The following FRS2 variants were observed in gnomAD, a reference collection of about 807,000 sequenced individuals.
FRS2 encodes fibroblast growth factor receptor substrate 2.
A neutral mutation model predicts 43.9 loss-of-function variants in FRS2; 8 were observed. That is an observed-to-expected ratio of 0.18 (90% CI 0.11 to 0.33). The LOEUF (loss-of-function observed/expected upper bound fraction) is 0.33, where lower values mean the gene tolerates loss of function less well. Ranked by LOEUF, FRS2 falls within the 10% of genes least tolerant of loss-of-function variation. The pLI is 1.00. For missense variants in FRS2, 534 were observed against 627.6 expected, an observed-to-expected ratio of 0.85 and a Z score of 1.59; for synonymous variants, 219 against 220.3, an observed-to-expected ratio of 0.99 and a Z score of 0.05.
chr12:69,504,901 T>C (rs1319484675), intron 1 of FRS2, among the ~76,000 whole-genome samples: 1 of 152,194 alleles, frequency 6.6e-6, no homozygotes, highest in African/African-American at 2.4e-5. Context: ...TGATCACAGC[T>C]TAGCGCAGCC....
At chr12:69,568,555 G>C (rs1318968066) in intron 4 of FRS2, among the ~76,000 whole-genome samples, 4 of 148,608 alleles carry the variant, frequency 2.7e-5, no homozygotes, top group African/African-American at 7.4e-5. Context: ...GTCTCTGGCT[G>C]TCTCTCTCTC....
At chr12:69,520,736 C>T (rs1454128783) in intron 1 of FRS2, among the ~76,000 whole-genome samples, 4 of 151,890 alleles carry the variant, frequency 2.6e-5, no homozygotes, top group Non-Finnish European at 5.9e-5. Context: ...AGTTGTGCGG[C>T]CGTATTTTTT....
intron 1 of FRS2, among the ~76,000 whole-genome samples, chr12:69,518,902 T>G (rs1181052015): frequency 6.7e-6 from 1 of 149,344 alleles, no homozygotes; most frequent in Non-Finnish European, 1.5e-5. Context: ...TAATCCCAGC[T>G]ACTTGGGAGG....
intron 1 of FRS2, among the ~76,000 whole-genome samples, chr12:69,515,881 G>GCCCCAC (rs1565739365): frequency 7.0e-6 from 1 of 141,870 alleles, no homozygotes; most frequent in Admixed American, 7.4e-5. Flanking sequence ...TAGTTTGACC[G>GCCCCAC]CCCCACCCCC....
chr12:69,488,846 GCT>G, intron 1 of FRS2, among the ~76,000 whole-genome samples: 1 of 152,228 alleles, frequency 6.6e-6, no homozygotes, highest in East Asian at 1.9e-4. Flanking sequence ...TGGACTGCTG[GCT>G]CTTATTAAGC....
In FRS2 at chr12:69,470,463, C is replaced by G. The variant is rs1482070982; in HGVS notation, c.-328C>G. On this transcript the variant is annotated 5_prime_UTR_variant, in exon 1 of 9. Coordinates refer to ENST00000549921, the MANE Select transcript of FRS2 (RefSeq NM_001278356.2). ...TCTGCTCCAAGTAGGGGCTCCAGCGCGGGTCGGAGTCTGGGGGTTCGCGCC... is the reference window on the plus strand; with the variant it reads ...TCTGCTCCAAGTAGGGGCTCCAGCGGGGGTCGGAGTCTGGGGGTTCGCGCC... 2.5e-6 allele frequency: 1 copy of G among 398,506 alleles called. No individual in the cohort carries two copies. The highest frequency in any genetic ancestry group is 2.1e-5 in the African/African-American group (1 of 48,646). 24.7% of individuals were successfully genotyped at this position (398,506 alleles called of 1,614,324 possible). A position where few individuals can be genotyped will look rare whatever the true frequency, so the allele number is the denominator to read the frequency against.
chr12:69,474,556 G>A (rs1052781344), intron 1 of FRS2, among the ~76,000 whole-genome samples: 4 of 152,182 alleles, frequency 2.6e-5, no homozygotes, highest in Admixed American at 6.5e-5. Flanking sequence ...AGGTTCACAC[G>A]GAGTAGAAAG....
intron 1 of FRS2, among the ~76,000 whole-genome samples, chr12:69,519,007 A>AG (rs1185272872): frequency 6.6e-6 from 1 of 152,102 alleles, no homozygotes; most frequent in East Asian, 1.9e-4. Flanking sequence ...AAAAAAAAAA[A>AG]AAAAAAAAGT....
intron 1 of FRS2, among the ~76,000 whole-genome samples, chr12:69,492,383 G>A (rs1475371331): frequency 6.6e-6 from 1 of 152,190 alleles, no homozygotes; most frequent in Non-Finnish European, 1.5e-5. Flanking sequence ...CCTGATATCT[G>A]TGATTCAGGT....
chr12:69,508,005 C>G (rs1377973690), intron 1 of FRS2, among the ~76,000 whole-genome samples: 1 of 87,308 alleles, frequency 1.1e-5, no homozygotes. Flanking sequence ...GCCTGGGCAA[C>G]AAGAGCGAAA....
intron 3 of FRS2, among the ~76,000 whole-genome samples, chr12:69,561,574 T>A (rs996001559): frequency 6.6e-6 from 1 of 152,238 alleles, no homozygotes; most frequent in Non-Finnish European, 1.5e-5. Context: ...TTGAAATCTC[T>A]TGTAACTCTG....
chr12:69,511,408 C>T (rs998817989), intron 1 of FRS2, among the ~76,000 whole-genome samples: 4 of 152,068 alleles, frequency 2.6e-5, no homozygotes, highest in African/African-American at 7.2e-5. Flanking sequence ...CTCTTTGACC[C>T]AGAATTCCAT....
At chr12:69,480,118 T>C (rs1319252881) in intron 1 of FRS2, among the ~76,000 whole-genome samples, 1 of 152,228 alleles carries the variant, frequency 6.6e-6, no homozygotes, top group African/African-American at 2.4e-5. Flanking sequence ...TTCATTATGG[T>C]TAAATACATA....
At chr12:69,490,027 T>C (rs547800553) in intron 1 of FRS2, among the ~76,000 whole-genome samples, 69 of 152,172 alleles carry the variant, frequency 4.5e-4, no homozygotes, top group Admixed American at 3.8e-3. Context: ...AACATACTGA[T>C]GTAGCAGTAT....
intron 1 of FRS2, among the ~76,000 whole-genome samples, chr12:69,485,474 G>A (rs12308519): frequency 0.029 from 4,315 of 150,738 alleles, 205 homozygotes; most frequent in African/African-American, 0.099. Flanking sequence ...GAGCCACCGC[G>A]CCCAGCCTAT....
rs183925866 is a variant in FRS2, at chr12:69,577,670, A to G, written c.*2715A>G. 1 of 152,504 alleles carries G rather than the reference A, an allele frequency of 6.6e-6. No homozygotes were observed. The highest frequency in any genetic ancestry group is 2.4e-5 in the African/African-American group (1 of 41,398). The allele number at this position is 152,504 out of a possible 1,614,324, so 9.4% of individuals were successfully genotyped here. On this transcript the variant is annotated 3_prime_UTR_variant, in exon 9 of 9. Transcript: ENST00000549921. ...GCTAGGGTTGGAAACTGATATTGGTATTACTTGTGTTTTTTCTTAGTGTGT... is the reference window on the plus strand; with the variant it reads ...GCTAGGGTTGGAAACTGATATTGGTGTTACTTGTGTTTTTTCTTAGTGTGT...
chr12:69,550,128 T>C lies in FRS2; in HGVS notation c.-121-12052T>C, dbSNP rs138298297. Among the ~76,000 whole-genome samples the C allele has an allele frequency of 3.3e-5, 5 of 152,328 alleles. No individual in the cohort carries two copies. The East Asian group carries it at 7.7e-4, about 24-fold the overall frequency. ...CAAAGTACATTCAAAACTGAGCTTA[T>C]GTTTTTCTAAATCTTGTGTCCTTCC... On this transcript the variant is annotated intron_variant, in intron 3 of 8. Transcript: ENST00000549921.
intron 1 of FRS2, among the ~76,000 whole-genome samples, chr12:69,525,794 T>A (rs1876160092): frequency 6.6e-6 from 1 of 152,080 alleles, no homozygotes; most frequent in South Asian, 2.1e-4. Context: ...AATTTCCAGA[T>A]CACAAATATT....
Position 69,574,502 on chromosome 12 carries a change from T to C in FRS2, c.1074T>C (p.Val358=), listed in dbSNP as rs376497327. 2.9e-5 allele frequency: 47 copies of C among 1,614,000 alleles called. No individual in the cohort carries two copies. In the African/African-American group the frequency reaches 5.6e-4, roughly 19 times the overall value. Residue 358 remains valine (V), a synonymous_variant, in exon 9 of 9, where the codon GTT becomes GTC. Coordinates refer to ENST00000549921, the MANE Select transcript of FRS2 (RefSeq NM_001278356.2). ...AAAATCTACCATCTTTGCCTCCTGT[T>C]TGGGAAGCCCGCAAGCTAAGTAGGG... ...NYENLPSLPP[V]WEARKLSRDE...
Sources: gnomAD v4.1 joint callset for allele counts (sites outside exome capture counted in the v4.1 genomes callset) on GRCh38, gnomAD v4.1.1 for gene constraint, MANE v1.5 for transcripts, NCBI Gene and HGNC (gene_info 2026-07-23, HGNC 2026-07-21) for gene names.